Variants in AOPEP observed in about 807,000 individuals in gnomAD.
AOPEP encodes aminopeptidase O (putative).
A neutral mutation model predicts 98.1 loss-of-function variants in AOPEP; 77 were observed. That is an observed-to-expected ratio of 0.78 (90% CI 0.65 to 0.95). AOPEP has a LOEUF of 0.95. Ranked by LOEUF, AOPEP falls within the 40% of genes least tolerant of loss-of-function variation. The probability of loss-of-function intolerance (pLI) is 0.00; values close to 1 mark genes in which losing one functional copy is unlikely to be tolerated. For synonymous variants in AOPEP, 346 were observed against 365.3 expected, an observed-to-expected ratio of 0.95 and a Z score of 0.60; for missense variants, 1,024 against 1,024.7, an observed-to-expected ratio of 1.00 and a Z score of 0.01.
intron 4 of AOPEP, among the ~76,000 whole-genome samples, chr9:94,793,136 C>A (rs979270529): frequency 6.6e-6 from 1 of 152,082 alleles, no homozygotes; most frequent in Admixed American, 6.5e-5. Flanking sequence ...GAGGCCGAGG[C>A]GGGTGGATCA....
At chr9:95,042,294 G>A (rs3858089) in intron 13 of AOPEP, among the ~76,000 whole-genome samples, 119,071 of 151,794 alleles carry the variant, frequency 0.78, 48,176 homozygotes, top group Non-Finnish European at 0.89. Flanking sequence ...CCTGGGCAAC[G>A]GAGCGAGACT....
chr9:94,960,315 G>T lies in AOPEP; in HGVS notation c.1872+4300G>T, dbSNP rs999204236. On this transcript the variant is annotated intron_variant, in intron 9 of 16. Coordinates refer to ENST00000375315, the MANE Select transcript of AOPEP (RefSeq NM_001193329.3). ...AATCCCAACTACTCAGGAGGCTGAG[G>T]CAGGAGAATAGCTTGAACCCAGGAG... Among the ~76,000 whole-genome samples, 6 of 152,002 alleles carry T rather than the reference G, an allele frequency of 3.9e-5. No individual in the cohort carries two copies. The South Asian group carries it at 1.2e-3, about 32-fold the overall frequency.
At chr9:94,767,013 A>G (rs1839789947) in intron 2 of AOPEP, among the ~76,000 whole-genome samples, 1 of 151,782 alleles carries the variant, frequency 6.6e-6, no homozygotes, top group Admixed American at 6.6e-5. Flanking sequence ...CCCCCACTGA[A>G]TTAATTTCAT....
intron 5 of AOPEP, among the ~76,000 whole-genome samples, chr9:94,874,046 T>G (rs1276320945): frequency 1.3e-5 from 2 of 152,194 alleles, no homozygotes; most frequent in African/African-American, 4.8e-5. Context: ...GAAATAACTA[T>G]GTTTTATTTT....
intron 5 of AOPEP, among the ~76,000 whole-genome samples, chr9:94,919,857 C>G (rs1334955371): frequency 1.3e-5 from 2 of 152,212 alleles, no homozygotes; most frequent in African/African-American, 2.4e-5. Flanking sequence ...TGGTTCCCCC[C>G]TCTCTCGGGT....
chr9:95,005,746 T>A (rs2061963322), intron 13 of AOPEP, 130 bp downstream of exon 13: 3 of 703,488 alleles, frequency 4.3e-6, no homozygotes, highest in Admixed American at 2.4e-5. Context: ...ATAGATTTAA[T>A]ATATGGGGAA....
chr9:95,090,544 C>A (rs1423854946), downstream of AOPEP, among the ~76,000 whole-genome samples: 3 of 152,116 alleles, frequency 2.0e-5, no homozygotes, highest in Admixed American at 1.3e-4. Flanking sequence ...CCCAGAGGGC[C>A]CCCCCTTCGA....
At chr9:95,036,034 A>G (rs549844324) in intron 13 of AOPEP, among the ~76,000 whole-genome samples, 10 of 152,242 alleles carry the variant, frequency 6.6e-5, no homozygotes, top group Non-Finnish European at 1.2e-4. Context: ...GTTTTCTTGA[A>G]TAGAAGGGAT....
intron 5 of AOPEP, among the ~76,000 whole-genome samples, chr9:94,906,952 T>C (rs761877209): frequency 6.6e-6 from 1 of 152,116 alleles, no homozygotes; most frequent in Non-Finnish European, 1.5e-5. Context: ...GTTCCCCCCA[T>C]GTGTACATCC....
chr9:95,107,225 T>G, the AOPEP span: 85 of 1,614,038 alleles, frequency 5.3e-5, 1 homozygote, highest in African/African-American at 9.9e-4. Context: ...GGCTGCTGCT[T>G]CTGGACATTG....
chr9:94,911,888 T>G (rs796275073), intron 5 of AOPEP, among the ~76,000 whole-genome samples: 1 of 152,278 alleles, frequency 6.6e-6, no homozygotes, highest in African/African-American at 2.4e-5. Flanking sequence ...CAGAAAAGTA[T>G]ACATCTTAGC....
chr9:95,076,587 A>G (rs531228769), intron 14 of AOPEP, among the ~76,000 whole-genome samples: 1 of 152,350 alleles, frequency 6.6e-6, no homozygotes, highest in African/African-American at 2.4e-5. Flanking sequence ...ATGTAATTAT[A>G]TAAAGTAAAT....
chr9:95,049,839 A>T (rs925666758), intron 13 of AOPEP, among the ~76,000 whole-genome samples: 1 of 152,180 alleles, frequency 6.6e-6, no homozygotes, highest in African/African-American at 2.4e-5. Flanking sequence ...ATAGTTAACC[A>T]CCACTTGTGA....
At chr9:94,739,792 G>T (rs550087222) in intron 1 of AOPEP, among the ~76,000 whole-genome samples, 1 of 152,252 alleles carries the variant, frequency 6.6e-6, no homozygotes, top group Admixed American at 6.5e-5. Context: ...TATTCTATTG[G>T]TTGGACTGTT....
rs567456067 is a variant in AOPEP, at chr9:95,012,885, A to G, written c.2115+7269A>G. On this transcript the variant is annotated intron_variant, in intron 13 of 16. Coordinates refer to ENST00000375315, the MANE Select transcript of AOPEP (RefSeq NM_001193329.3). Reference sequence around the variant, plus strand: ...CTCATACCTGGCTATTGCATTAAAAATTTTTTTTTCGCTATTCAGGTTTTT... The same window carrying G: ...CTCATACCTGGCTATTGCATTAAAAGTTTTTTTTTCGCTATTCAGGTTTTT... Among the ~76,000 whole-genome samples the G allele has an allele frequency of 7.9e-5, 11 of 138,578 alleles. No homozygotes were observed. The East Asian group carries it at 2.3e-3, about 29-fold the overall frequency. 90.9% of individuals were successfully genotyped at this position (138,578 alleles called of 152,430 possible).
At chr9:94,943,496 A>G (rs986492725) in intron 7 of AOPEP, among the ~76,000 whole-genome samples, 40 of 151,800 alleles carry the variant, frequency 2.6e-4, no homozygotes, top group African/African-American at 9.0e-4. Context: ...CAGGAGGCTG[A>G]GGCAGGAGAA....
intron 11 of AOPEP, among the ~76,000 whole-genome samples, chr9:95,003,458 T>A (rs1232251752): frequency 6.6e-6 from 1 of 152,162 alleles, no homozygotes; most frequent in African/African-American, 2.4e-5. Context: ...AGGAAAAAAA[T>A]TCTAGTGGGT....
the AOPEP span, among the ~76,000 whole-genome samples, chr9:95,127,950 T>C: frequency 6.6e-6 from 1 of 152,248 alleles, no homozygotes; most frequent in Non-Finnish European, 1.5e-5. Context: ...TCCTACTCTT[T>C]AAATAATCTA....
At chr9:94,865,513 G>C (rs1564285086) in intron 5 of AOPEP, among the ~76,000 whole-genome samples, 1 of 152,146 alleles carries the variant, frequency 6.6e-6, no homozygotes, top group Non-Finnish European at 1.5e-5. Context: ...TAGGCATATT[G>C]GTGTTATAAA....
Sources: gnomAD v4.1 joint callset for allele counts (sites outside exome capture counted in the v4.1 genomes callset) on GRCh38, gnomAD v4.1.1 for gene constraint, MANE v1.5 for transcripts, NCBI Gene and HGNC (gene_info 2026-07-23, HGNC 2026-07-21) for gene names.